Variants in MAPKAP1 observed in about 807,000 individuals in gnomAD.
The protein encoded by MAPKAP1 is target of rapamycin complex 2 subunit MAPKAP1.
A neutral mutation model predicts 65.7 loss-of-function variants in MAPKAP1; 20 were observed. That is an observed-to-expected ratio of 0.30 (90% CI 0.21 to 0.44). The LOEUF is 0.44. MAPKAP1 is among the 20% of genes least tolerant of loss of function. MAPKAP1 has a pLI of 1.00. For missense variants in MAPKAP1, 423 were observed against 648.0 expected (o/e 0.65, Z 3.77); for synonymous variants, 222 against 244.3 (o/e 0.91, Z 0.85).
intron 9 of MAPKAP1, among the ~76,000 whole-genome samples, chr9:125,480,977 A>AG: frequency 7.3e-6 from 1 of 136,850 alleles, no homozygotes; most frequent in African/African-American, 2.7e-5. Context: ...GTTTCGGGGA[A>AG]AAAAAAAAAA....
At chr9:125,564,800 G>T (rs1241583379) in intron 5 of MAPKAP1, among the ~76,000 whole-genome samples, 1 of 152,066 alleles carries the variant, frequency 6.6e-6, no homozygotes, top group Non-Finnish European at 1.5e-5. Flanking sequence ...CTATCTCACA[G>T]TAGCAGGGCA....
chr9:125,543,720 G>T (rs766286008), intron 6 of MAPKAP1, among the ~76,000 whole-genome samples: 1 of 152,302 alleles, frequency 6.6e-6, no homozygotes, highest in South Asian at 2.1e-4. Context: ...GAGAGGTCAC[G>T]CTTAGGGAAG....
intron 1 of MAPKAP1, among the ~76,000 whole-genome samples, chr9:125,693,726 T>C (rs7021015): frequency 6.5e-5 from 8 of 122,846 alleles, no homozygotes; most frequent in African/African-American, 2.4e-4. Flanking sequence ...TACACGTATA[T>C]ACACATATAT....
chr9:125,654,299 G>A (rs1260503889), intron 4 of MAPKAP1, among the ~76,000 whole-genome samples: 1 of 152,152 alleles, frequency 6.6e-6, no homozygotes, highest in East Asian at 1.9e-4. Flanking sequence ...TTGTTAACGA[G>A]GCTATTCAGA....
At chr9:125,477,705 T>A (rs151140963) in intron 9 of MAPKAP1, among the ~76,000 whole-genome samples, 249 of 152,338 alleles carry the variant, frequency 1.6e-3, no homozygotes, top group Admixed American at 3.6e-3. Context: ...GATAATATAC[T>A]GTGGGTTTCT....
At chr9:125,451,989 T>C (rs989620655) in intron 10 of MAPKAP1, among the ~76,000 whole-genome samples, 1 of 151,954 alleles carries the variant, frequency 6.6e-6, no homozygotes, top group Non-Finnish European at 1.5e-5. Flanking sequence ...TTTGTATTTT[T>C]AGTAGAGACG....
chr9:125,472,999 A>G (rs1339346839), intron 9 of MAPKAP1, among the ~76,000 whole-genome samples: 1 of 152,130 alleles, frequency 6.6e-6, no homozygotes, highest in Admixed American at 6.5e-5. Context: ...GTGGGGAAGG[A>G]TAAGTATGCT....
At chr9:125,677,672 C>T (rs113145056) in intron 1 of MAPKAP1, among the ~76,000 whole-genome samples, 1,672 of 151,946 alleles carry the variant, frequency 0.011, 29 homozygotes, top group African/African-American at 0.038. Flanking sequence ...CCAGCTTGGG[C>T]GAGAGAGCAA....
chr9:125,612,633 A>G (rs1049907994), intron 4 of MAPKAP1, among the ~76,000 whole-genome samples: 8 of 152,252 alleles, frequency 5.3e-5, no homozygotes, highest in African/African-American at 1.9e-4. Flanking sequence ...TATGTGAATG[A>G]ACTTATGTTT....
intron 4 of MAPKAP1, among the ~76,000 whole-genome samples, chr9:125,632,455 C>T (rs1564593370): frequency 1.3e-5 from 2 of 152,258 alleles, no homozygotes; most frequent in South Asian, 2.1e-4. Flanking sequence ...CCTGGCTCTG[C>T]TGAATCATAC....
At chr9:125,496,986 G>A (rs1828824291) in intron 8 of MAPKAP1, among the ~76,000 whole-genome samples, 2 of 152,108 alleles carry the variant, frequency 1.3e-5, no homozygotes, top group Admixed American at 6.6e-5. Context: ...TCTAGTGTGG[G>A]ACTTGGCAAA....
chr9:125,654,586 A>G (rs906298623), intron 4 of MAPKAP1, among the ~76,000 whole-genome samples: 4 of 152,202 alleles, frequency 2.6e-5, no homozygotes, highest in Admixed American at 1.3e-4. Context: ...TTTCCCTCTC[A>G]ATTTCATGCC....
At chr9:125,531,575 C>T (rs1185439392) in intron 7 of MAPKAP1, among the ~76,000 whole-genome samples, 2 of 152,134 alleles carry the variant, frequency 1.3e-5, no homozygotes, top group Non-Finnish European at 2.9e-5. Context: ...GCTTTTTATG[C>T]TACAAGAATA....
intron 8 of MAPKAP1, 44 bp from the exon 9 acceptor site, chr9:125,484,627 T>A: frequency 6.4e-7 from 1 of 1,559,924 alleles, no homozygotes; most frequent in Non-Finnish European, 8.7e-7. Flanking sequence ...TACATGAGGC[T>A]TGGCAAATGG....
At chr9:125,608,743 GC>G (rs1832512470) in intron 4 of MAPKAP1, among the ~76,000 whole-genome samples, 1 of 152,152 alleles carries the variant, frequency 6.6e-6, no homozygotes, top group African/African-American at 2.4e-5. Flanking sequence ...TCTGAGAGGA[GC>G]CCAAACCGGC....
intron 8 of MAPKAP1, among the ~76,000 whole-genome samples, chr9:125,497,496 C>T (rs548079692): frequency 5.3e-5 from 8 of 152,296 alleles, no homozygotes; most frequent in Admixed American, 5.2e-4. Context: ...ATCACTTCAC[C>T]CCTCAGTTTC....
At chr9:125,683,420 C>A (rs1026405713) in intron 1 of MAPKAP1, among the ~76,000 whole-genome samples, 16 of 152,202 alleles carry the variant, frequency 1.1e-4, no homozygotes, top group African/African-American at 3.6e-4. Flanking sequence ...GAGAGCAATT[C>A]TAAGCCAGAG....
chr9:125,517,954 G>A (rs1829510096), intron 7 of MAPKAP1, among the ~76,000 whole-genome samples: 1 of 152,038 alleles, frequency 6.6e-6, no homozygotes, highest in African/African-American at 2.4e-5. Flanking sequence ...TGAAGACGGG[G>A]TGGGAGGCTT....
chr9:125,634,828 C>T (rs936880665), intron 4 of MAPKAP1, among the ~76,000 whole-genome samples: 4 of 152,166 alleles, frequency 2.6e-5, no homozygotes, highest in Non-Finnish European at 5.9e-5. Context: ...TTCTATTTAA[C>T]CTTCAAAGTA....
Sources: gnomAD v4.1 joint callset for allele counts (sites outside exome capture counted in the v4.1 genomes callset) on GRCh38, gnomAD v4.1.1 for gene constraint, MANE v1.5 for transcripts, NCBI Gene and HGNC (gene_info 2026-07-23, HGNC 2026-07-21) for gene names.